PRPF8: variants seen among roughly 807,000 people sequenced by gnomAD.
PRPF8 encodes the protein pre-mRNA processing factor 8.
A neutral mutation model predicts 285.9 loss-of-function variants in PRPF8; 64 were observed. The ratio of observed to expected loss-of-function variants is 0.22; its 90% CI spans 0.18 to 0.28. The LOEUF (loss-of-function observed/expected upper bound fraction) is 0.28, where lower values mean the gene tolerates loss of function less well. Among genes scored for constraint, PRPF8 ranks in the 10% least tolerant of loss-of-function variants. The pLI is 1.00. For synonymous variants in PRPF8, 1,325 were observed against 1,118.2 expected, an observed-to-expected ratio of 1.18 and a Z score of -3.69; for missense variants, 1,426 against 3,026.7, an observed-to-expected ratio of 0.47 and a Z score of 12.41.
chr17:1,661,287 T>G lies in PRPF8; in HGVS notation c.4322A>C (p.Asp1441Ala). The part of the protein sequence containing the change: ...AYDKGWRVRT[D>A]FKQYQVLKQN... ...TCTACATACCTGATACTGCTTAAAG[T>G]CAGTTCTGACACGCCAGCCCTTATC... The change falls in exon 27 of 43, where the codon GAC (aspartate) becomes GCC (alanine). Residue 1441 changes from aspartate to alanine, a missense_variant. Around this residue, in one of 34 missense-constraint regions of PRPF8, gnomAD observed 40 missense variants for 121.6 expected, o/e 0.33. Transcript: ENST00000304992. This position sits in a 1 kb window ranked among gnomAD's most constrained non-coding sequence, Gnocchi z 7.3. The G allele has an allele frequency of 6.2e-7, 1 of 1,614,114 alleles. No homozygotes were observed. Among genetic ancestry groups the G allele is most frequent in the East Asian group, 2.2e-5 (1 of 44,888 alleles).
At chr17:1,660,249 C>G (rs1198032556) in intron 30 of PRPF8, among the ~76,000 whole-genome samples, 183 bp downstream of exon 30, 1 of 149,700 alleles carries the variant, frequency 6.7e-6, no homozygotes, top group Non-Finnish European at 1.5e-5. Context: ...AGCACCCTCT[C>G]CCTGCGATTC....
At position 1,673,809 on chromosome 17, in the gene PRPF8, T is replaced by C. The variant is rs1912456837; in HGVS notation, c.3383A>G (p.Tyr1128Cys). ...TCGGGGCCAGCACTTCTTGTTATTA[T>C]AGCCAACGATGTTTTCATTATTGGG... ...PDPNNENIVG[Y>C]NNKKCWPRDA... The change falls in exon 22 of 43, where the codon TAT (tyrosine) becomes TGT (cysteine). Residue 1128 changes from tyrosine (Y) to cysteine (C), a missense_variant. Tyr to Cys is a radical substitution (Grantham distance 194, BLOSUM62 -2). Around this residue, in one of 34 missense-constraint regions of PRPF8, gnomAD observed 148 missense variants for 196.2 expected, o/e 0.75. Transcript: ENST00000304992. The surrounding 1 kb of genome is among the most constrained non-coding windows in gnomAD (Gnocchi z 5.5). 2 of 1,614,122 alleles carry C rather than the reference T, an allele frequency of 1.2e-6. No individual in the cohort carries two copies. Among genetic ancestry groups the C allele is most frequent in the Non-Finnish European group, 1.7e-6 (2 of 1,180,024 alleles).
chr17:1,652,850 T>C, intron 39 of PRPF8: 1 of 154,608 alleles, frequency 6.5e-6, no homozygotes, highest in Non-Finnish European at 1.4e-5. Flanking sequence ...GTGCCCAGCC[T>C]GGAGTGCAGT....
chr17:1,671,634 A>C (rs1912323825), intron 24 of PRPF8, among the ~76,000 whole-genome samples: 1 of 151,308 alleles, frequency 6.6e-6, no homozygotes, highest in Admixed American at 6.6e-5. Flanking sequence ...GGCGGATCAC[A>C]AGGTCAGGAG....
chr17:1,664,001 C>T (rs373284513), intron 24 of PRPF8, among the ~76,000 whole-genome samples: 1 of 152,072 alleles, frequency 6.6e-6, no homozygotes, highest in African/African-American at 2.4e-5. Flanking sequence ...AAATGATGGA[C>T]CTGAAAGACA....
rs773709989 is a variant in PRPF8 at position 1,676,368 on chromosome 17, G to A, written c.2391C>T (p.Asp797=). ...EQERQHNYLK[D]GPYITAEEAV... is the part of the protein sequence containing the mutation. ...CTTCCTCCGCTGTGATGTAAGGCCC[G>A]TCCTGTAAGGTGGACATGAAATTAG... The change falls in exon 17 of 43, where the codon GAC becomes GAT. Residue 797 remains aspartate, a splice_region_variant and synonymous_variant. Transcript: ENST00000304992. The surrounding 1 kb of genome is among the most constrained non-coding windows in gnomAD (Gnocchi z 6.3). 1.9e-5 allele frequency: 31 copies of A among 1,614,006 alleles called. No homozygotes were observed. Among genetic ancestry groups the A allele is most frequent in the African/African-American group, 2.7e-5 (2 of 74,892 alleles).
intron 37 of PRPF8, chr17:1,654,431 T>C: frequency 5.9e-6 from 2 of 341,024 alleles, no homozygotes; most frequent in Non-Finnish European, 1.1e-5. Context: ...TGTGTGTGTG[T>C]GTTGGCAGCA....
chr17:1,670,733 T>C (rs1021617013), intron 24 of PRPF8, among the ~76,000 whole-genome samples: 2 of 152,150 alleles, frequency 1.3e-5, no homozygotes, highest in Non-Finnish European at 2.9e-5. Flanking sequence ...GTGATCCACC[T>C]GCCTGGGCCT....
At chr17:1,668,294 A>G (rs1459353294) in intron 24 of PRPF8, among the ~76,000 whole-genome samples, 1 of 151,084 alleles carries the variant, frequency 6.6e-6, no homozygotes, top group Non-Finnish European at 1.5e-5. Context: ...TCCCAGGCCA[A>G]TGGCCTCTTC....
rs886052620 is a variant in PRPF8, at chr17:1,684,798, A to G, written c.-30T>C. On this transcript the variant is annotated 5_prime_UTR_variant, in exon 1 of 43. Transcript: ENST00000304992. The stretch of plus-strand genomic sequence containing the variant: ...CACGCACCCCACAGGCCCTCACACA[A>G]GAGGCCGCTTTCCCCGCAGCGCAAT... 6.7e-6 allele frequency: 4 copies of G among 599,714 alleles called. No homozygotes were observed. Among genetic ancestry groups the G allele is most frequent in the African/African-American group, 1.9e-5 (1 of 53,770 alleles). 37.1% of individuals were successfully genotyped at this position (599,714 alleles called of 1,614,324 possible). A position where few individuals can be genotyped will look rare whatever the true frequency, so the allele number is the denominator to read the frequency against.
chr17:1,680,458 C>CA (rs1912850121), intron 8 of PRPF8: 1 of 552,074 alleles, frequency 1.8e-6, no homozygotes, highest in Non-Finnish European at 3.3e-6. Flanking sequence ...CTAAAACAAA[C>CA]AAACACAATA....
At chr17:1,682,957 G>T in intron 3 of PRPF8, 1 of 187,814 alleles carries the variant, frequency 5.3e-6, no homozygotes. Context: ...ATCCCACTCT[G>T]GACTTCAACC....
chr17:1,674,749 T>C, intron 20 of PRPF8, 69 bp from the exon 21 acceptor site: 1 of 1,491,012 alleles, frequency 6.7e-7, no homozygotes, highest in Non-Finnish European at 9.4e-7. Context: ...GTTAACCTCT[T>C]TTGTTCTCCC....
intron 39 of PRPF8, among the ~76,000 whole-genome samples, chr17:1,652,366 G>A (rs1449480294): frequency 6.6e-6 from 1 of 152,168 alleles, no homozygotes; most frequent in African/African-American, 2.4e-5. Context: ...AGCTTCCTGA[G>A]TAGCTGGGAC....
In PRPF8 at chr17:1,657,641, G is replaced by A. The variant is rs113611295; in HGVS notation, c.5505+612C>T. Among the ~76,000 whole-genome samples the A allele has an allele frequency of 7.2e-3, 924 of 128,432 alleles. 11 individuals are homozygous for A. Among genetic ancestry groups the A allele is most frequent in the African/African-American group, 0.026 (875 of 33,490 alleles). The allele number at this position is 128,432 out of a possible 152,430, so 84.3% of individuals were successfully genotyped here. A position where few individuals can be genotyped will look rare whatever the true frequency, so the allele number is the denominator to read the frequency against. On this transcript the variant is annotated intron_variant, in intron 34 of 42. Transcript: ENST00000304992. ...AGCCTGGGCAACAGAGCAAGACTCC[G>A]TCTCAAAAAAAAAAAAAAAAAAAGA...
intron 24 of PRPF8, among the ~76,000 whole-genome samples, chr17:1,667,167 C>G (rs927458072): frequency 2.1e-5 from 3 of 141,436 alleles, no homozygotes; most frequent in African/African-American, 9.4e-5. Context: ...AGCAAGACTC[C>G]CTCTCAAAAA....
intron 37 of PRPF8, chr17:1,654,959 T>C (rs1911282665): frequency 8.0e-6 from 1 of 124,942 alleles, no homozygotes; most frequent in Admixed American, 7.8e-5. Context: ...GAGAAACGTC[T>C]TTTTTTTTTT....
chr17:1,659,283 C>A lies in PRPF8; in HGVS notation c.5138+74G>T. The A allele has an allele frequency of 1.3e-6, 2 of 1,570,748 alleles. No homozygotes were observed. The highest frequency in any genetic ancestry group is 8.8e-7 in the Non-Finnish European group (1 of 1,142,684). On this transcript the variant is annotated intron_variant, in intron 32 of 42. Transcript: ENST00000304992. This position sits in a 1 kb window ranked among gnomAD's most constrained non-coding sequence, Gnocchi z 5.1. ...TCAGACAATCTGCCCACCGCGGCCT[C>A]CCAAAGTGCTGGGATTACAGGTGTG... is the stretch of plus-strand genomic sequence containing the variant.
intron 36 of PRPF8, among the ~76,000 whole-genome samples, chr17:1,655,924 C>CTTTT (rs76782744): frequency 8.4e-6 from 1 of 119,518 alleles, no homozygotes; most frequent in South Asian, 2.7e-4. Context: ...TGCGCCCGGC[C>CTTTT]TTTTTTTTTT....
Sources: allele counts gnomAD v4.1 joint callset (sites outside exome capture counted in the v4.1 genomes callset), GRCh38; gene constraint gnomAD v4.1.1; regional missense constraint gnomAD v4.1.1; non-coding constraint Gnocchi (gnomAD v3.1); transcripts MANE v1.5; gene names NCBI Gene and HGNC (gene_info 2026-07-23, HGNC 2026-07-21).